IL1RAPL2: variants seen among roughly 807,000 people sequenced by gnomAD.
IL1RAPL2 encodes the protein X-linked interleukin-1 receptor accessory protein-like 2.
Under a neutral mutation model 44.1 loss-of-function variants are expected in IL1RAPL2, and 3 were observed. That is an observed-to-expected ratio of 0.07 (90% CI 0.03 to 0.18). The LOEUF (loss-of-function observed/expected upper bound fraction) is 0.18, where lower values mean the gene tolerates loss of function less well. Ranked by LOEUF, IL1RAPL2 falls within the 10% of genes least tolerant of loss-of-function variation. The pLI, the probability that IL1RAPL2 is intolerant of heterozygous loss-of-function variation, is 1.00. For missense variants in IL1RAPL2, 391 were observed against 496.4 expected (o/e 0.79, Z 2.02); for synonymous variants, 181 against 178.8 (o/e 1.01, Z -0.10).
chrX:104,601,989 A>G (rs751139527), intron 1 of IL1RAPL2, among the ~76,000 whole-genome samples: 7 of 112,359 alleles, frequency 6.2e-5, no homozygotes, highest in Non-Finnish European at 1.3e-4. Flanking sequence ...TAATCAACCT[A>G]AATACCCACC....
At chrX:105,076,955 G>A (rs1273357140) in intron 2 of IL1RAPL2, among the ~76,000 whole-genome samples, 1 of 110,843 alleles carries the variant, frequency 9.0e-6, no homozygotes, top group African/African-American at 3.3e-5. Context: ...GTGAGATGGG[G>A]TTCCTGAATA....
intron 2 of IL1RAPL2, among the ~76,000 whole-genome samples, chrX:105,055,653 A>G (rs111982608): frequency 0.066 from 7,402 of 112,047 alleles, 662 homozygotes; most frequent in African/African-American, 0.23. Flanking sequence ...ATTGAAATCT[A>G]AAAAGTGAGT....
chrX:105,079,152 C>T (rs1401910092), intron 2 of IL1RAPL2, among the ~76,000 whole-genome samples: 1 of 111,536 alleles, frequency 9.0e-6, no homozygotes, highest in Admixed American at 9.5e-5. Context: ...CTGGAGCTCG[C>T]CAAATTTTCT....
At chrX:105,734,085 G>A (rs2038427447) in intron 7 of IL1RAPL2, among the ~76,000 whole-genome samples, 1 of 110,508 alleles carries the variant, frequency 9.0e-6, no homozygotes, top group East Asian at 2.9e-4. Context: ...TGTCTTGTTT[G>A]AATTTTCCTC....
chrX:105,590,813 T>TTGTGTGTG (rs199802193), intron 6 of IL1RAPL2, among the ~76,000 whole-genome samples: 34 of 97,216 alleles, frequency 3.5e-4, no homozygotes, highest in African/African-American at 1.1e-3. Context: ...TGGCCTGAAT[T>TTGTGTGTG]TGTGTGTGTG....
chrX:105,012,594 CTCTT>C (rs1248228203), intron 2 of IL1RAPL2, among the ~76,000 whole-genome samples: 31 of 55,703 alleles, frequency 5.6e-4, no homozygotes, highest in Non-Finnish European at 7.9e-4. Flanking sequence ...GGCTAACTTT[CTCTT>C]TCTCTCTCTC....
At chrX:104,639,665 A>G (rs748717205) in intron 1 of IL1RAPL2, among the ~76,000 whole-genome samples, 9 of 109,792 alleles carry the variant, frequency 8.2e-5, no homozygotes, top group Non-Finnish European at 1.1e-4. Context: ...CGGGTTTAGG[A>G]CTCCCTTAAG....
At chrX:105,090,370 G>GA (rs778137383) in intron 2 of IL1RAPL2, among the ~76,000 whole-genome samples, 1 of 111,594 alleles carries the variant, frequency 9.0e-6, no homozygotes. Context: ...TTAACTGGGG[G>GA]AAAAAAGTAT....
chrX:104,747,753 A>C (rs931070132), intron 2 of IL1RAPL2, among the ~76,000 whole-genome samples: 6 of 111,500 alleles, frequency 5.4e-5, no homozygotes, highest in African/African-American at 1.6e-4. Flanking sequence ...GTGTACTTAC[A>C]TGACTCTTTT....
intron 2 of IL1RAPL2, among the ~76,000 whole-genome samples, chrX:104,704,606 G>A (rs374382816): frequency 1.8e-5 from 2 of 111,299 alleles, no homozygotes; most frequent in East Asian, 2.8e-4. Context: ...CTTAAAGAAC[G>A]TAGTCTCTAT....
At chrX:105,489,678 T>A (rs983624618) in intron 6 of IL1RAPL2, among the ~76,000 whole-genome samples, 9 of 109,446 alleles carry the variant, frequency 8.2e-5, no homozygotes, top group Admixed American at 2.9e-4. Flanking sequence ...TTCTTTCTCT[T>A]TCTTTTTCTT....
At chrX:104,613,251 G>A (rs1439240474) in intron 1 of IL1RAPL2, among the ~76,000 whole-genome samples, 1 of 111,459 alleles carries the variant, frequency 9.0e-6, no homozygotes, top group Non-Finnish European at 1.9e-5. Context: ...CAGTTGTCAA[G>A]GGGAATGCTT....
intron 5 of IL1RAPL2, among the ~76,000 whole-genome samples, chrX:105,373,590 C>CTCGT (rs1197243457): frequency 9.0e-6 from 1 of 111,610 alleles, no homozygotes; most frequent in East Asian, 2.8e-4. Context: ...GAAATCTTTG[C>CTCGT]TCGTTTCTGT....
intron 3 of IL1RAPL2, among the ~76,000 whole-genome samples, chrX:105,216,766 T>A (rs1190674406): frequency 3.6e-5 from 4 of 111,064 alleles, no homozygotes; most frequent in African/African-American, 1.3e-4. Flanking sequence ...TATAGACCAA[T>A]GGAATGGAAC....
chrX:104,862,016 G>A (rs771445378), intron 2 of IL1RAPL2, among the ~76,000 whole-genome samples: 2 of 110,491 alleles, frequency 1.8e-5, no homozygotes, highest in Admixed American at 9.7e-5. Flanking sequence ...ACAAACGGAA[G>A]GGGGAGGCAT....
chrX:105,040,190 T>C (rs1325348768), intron 2 of IL1RAPL2, among the ~76,000 whole-genome samples: 2 of 111,592 alleles, frequency 1.8e-5, no homozygotes, highest in Non-Finnish European at 3.8e-5. Context: ...TATTTATCGA[T>C]TTGCGTATAT....
At chrX:105,513,022 G>T (rs962509596) in intron 6 of IL1RAPL2, among the ~76,000 whole-genome samples, 4 of 110,659 alleles carry the variant, frequency 3.6e-5, no homozygotes, top group African/African-American at 6.6e-5. Flanking sequence ...TGCAGCATTT[G>T]GTTTTCTGTT....
intron 2 of IL1RAPL2, among the ~76,000 whole-genome samples, chrX:104,723,593 A>C (rs1476599412): frequency 2.7e-5 from 3 of 110,587 alleles, no homozygotes; most frequent in Non-Finnish European, 5.7e-5. Context: ...GGTACCCTTG[A>C]ATTTCTAACC....
At chrX:104,993,734 A>G (rs2030703370) in intron 2 of IL1RAPL2, among the ~76,000 whole-genome samples, 1 of 111,579 alleles carries the variant, frequency 9.0e-6, no homozygotes, top group South Asian at 3.7e-4. Context: ...ACACAACTCT[A>G]TGAGACAAGT....
Sources: gnomAD v4.1 joint callset for allele counts (sites outside exome capture counted in the v4.1 genomes callset) on GRCh38, gnomAD v4.1.1 for gene constraint, MANE v1.5 for transcripts, NCBI Gene and HGNC (gene_info 2026-07-23, HGNC 2026-07-21) for gene names.